The following EDIL3 variants were observed in gnomAD, a reference collection of about 807,000 sequenced individuals.
The protein encoded by EDIL3 is EGF like and discoidin domains 3, also known as EGF-like repeat and discoidin I-like domain-containing protein 3.
EDIL3 carries 37 observed loss-of-function variants against 67.4 expected under a neutral mutation model. The ratio of observed to expected loss-of-function variants is 0.55; its 90% CI spans 0.42 to 0.72. The LOEUF (loss-of-function observed/expected upper bound fraction) is 0.72. EDIL3 is among the 30% of genes least tolerant of loss of function. EDIL3 has a pLI of 0.00. For missense variants in EDIL3, 527 were observed against 586.3 expected (o/e 0.90, Z 1.04); for synonymous variants, 195 against 196.3 (o/e 0.99, Z 0.05).
At position 84,153,365 on chromosome 5, in the gene EDIL3, C is replaced by T. The variant is rs542658822; in HGVS notation, c.356-16011G>A. Among the ~76,000 whole-genome samples, 269 of 152,162 alleles carry T rather than the reference C, an allele frequency of 1.8e-3. 1 individual carries two copies. The highest frequency in any genetic ancestry group is 3.4e-3 in the Middle Eastern group (1 of 294). ...AGGCTGGAGTGCAGTGGCACGACCT[C>T]GGCTCATTGCAACCTCCGCCTCCCA... On this transcript the variant is annotated intron_variant, in intron 4 of 10. Transcript: ENST00000296591.
chr5:84,353,370 G>A (rs928325849), intron 1 of EDIL3, among the ~76,000 whole-genome samples: 7 of 152,094 alleles, frequency 4.6e-5, no homozygotes, highest in South Asian at 2.1e-4. Context: ...GTGTGACATC[G>A]AATCCGTAAC....
chr5:84,048,463 G>C (rs933303425), intron 9 of EDIL3, among the ~76,000 whole-genome samples: 1 of 151,850 alleles, frequency 6.6e-6, no homozygotes, highest in Admixed American at 6.6e-5. Flanking sequence ...AAAATCTGTA[G>C]GGTCAGACGC....
At chr5:84,271,950 TTTC>T (rs1233452868) in intron 1 of EDIL3, among the ~76,000 whole-genome samples, 1 of 152,166 alleles carries the variant, frequency 6.6e-6, no homozygotes, top group African/African-American at 2.4e-5. Flanking sequence ...TCTCGGAGCT[TTTC>T]TTCTTCTTAG....
At chr5:84,286,082 C>G (rs912006191) in intron 1 of EDIL3, among the ~76,000 whole-genome samples, 1 of 152,128 alleles carries the variant, frequency 6.6e-6, no homozygotes, top group Non-Finnish European at 1.5e-5. Flanking sequence ...TTTGCTTTAG[C>G]TCTAGGCTTA....
chr5:84,347,048 A>G (rs1178224934), intron 1 of EDIL3, among the ~76,000 whole-genome samples: 1 of 152,178 alleles, frequency 6.6e-6, no homozygotes, highest in East Asian at 1.9e-4. Context: ...AATTACCATA[A>G]TATCTTAAGC....
chr5:84,285,631 A>G (rs2112112317), intron 1 of EDIL3, among the ~76,000 whole-genome samples: 1 of 152,350 alleles, frequency 6.6e-6, no homozygotes, highest in South Asian at 2.1e-4. Context: ...GAAAACCATA[A>G]TAAAAAGATT....
intron 1 of EDIL3, among the ~76,000 whole-genome samples, chr5:84,364,314 T>C (rs142358486): frequency 3.4e-4 from 52 of 152,294 alleles, no homozygotes; most frequent in African/African-American, 1.2e-3. Context: ...AATTCAGAAT[T>C]TGCCCAGTCA....
At chr5:83,980,865 T>C (rs1744958567) in intron 9 of EDIL3, among the ~76,000 whole-genome samples, 1 of 151,148 alleles carries the variant, frequency 6.6e-6, no homozygotes. Context: ...GATCTAAAAA[T>C]GAAATTAAGA....
chr5:84,273,474 GATA>G (rs1296508829), intron 1 of EDIL3, among the ~76,000 whole-genome samples: 1 of 152,124 alleles, frequency 6.6e-6, no homozygotes, highest in African/African-American at 2.4e-5. Context: ...AAAAAGTGAG[GATA>G]ATAACAGCGT....
chr5:84,093,472 A>G (rs946105544), intron 6 of EDIL3, among the ~76,000 whole-genome samples: 1 of 152,078 alleles, frequency 6.6e-6, no homozygotes, highest in Non-Finnish European at 1.5e-5. Context: ...CTTCACAGAG[A>G]AGGGAATGAT....
intron 10 of EDIL3, among the ~76,000 whole-genome samples, chr5:83,947,367 GTC>G (rs72514584): frequency 0.23 from 24,072 of 105,532 alleles, 2,045 homozygotes; most frequent in Middle Eastern, 0.29. Flanking sequence ...CTGTGTCTGT[GTC>G]TGTGTGTGTG....
intron 4 of EDIL3, among the ~76,000 whole-genome samples, chr5:84,160,347 C>G (rs566145114): frequency 3.3e-5 from 5 of 152,162 alleles, no homozygotes; most frequent in Admixed American, 2.0e-4. Context: ...TAAGTAGTGT[C>G]TAGGAAGATG....
intron 4 of EDIL3, among the ~76,000 whole-genome samples, chr5:84,141,926 C>CATATATATATATAT (rs145638622): frequency 8.0e-6 from 1 of 124,928 alleles, no homozygotes; most frequent in African/African-American, 3.4e-5. Context: ...TATATATACA[C>CATATATATATATAT]ATATATATAT....
intron 9 of EDIL3, among the ~76,000 whole-genome samples, chr5:83,966,910 T>C (rs543792215): frequency 6.6e-6 from 1 of 152,206 alleles, no homozygotes; most frequent in South Asian, 2.1e-4. Flanking sequence ...TTCTGGATCA[T>C]AAAATATTTC....
intron 6 of EDIL3, among the ~76,000 whole-genome samples, chr5:84,070,011 G>T (rs150300476): frequency 6.6e-6 from 1 of 152,074 alleles, no homozygotes; most frequent in Non-Finnish European, 1.5e-5. Flanking sequence ...TCGACCCATG[G>T]AATGATGTGG....
At position 84,103,617 on chromosome 5, in the gene EDIL3, A is replaced by C. The variant is rs961051808; in HGVS notation, c.651+3032T>G. ...TGCAGCCAACAATCATAGGAAAAAA[A>C]CCCTCAAAATCAGTTATCATTAGAG... is the stretch of plus-strand genomic sequence containing the variant. On this transcript the variant is annotated intron_variant, in intron 6 of 10. Coordinates refer to ENST00000296591, the MANE Select transcript of EDIL3 (RefSeq NM_005711.5). Among the ~76,000 whole-genome samples the C allele has an allele frequency of 2.6e-4, 40 of 152,168 alleles. 1 individual carries two copies. The highest frequency in any genetic ancestry group is 3.9e-4 in the East Asian group (2 of 5,178).
At chr5:84,349,330 TC>T (rs1443772330) in intron 1 of EDIL3, among the ~76,000 whole-genome samples, 4 of 152,270 alleles carry the variant, frequency 2.6e-5, no homozygotes, top group Admixed American at 2.6e-4. Flanking sequence ...AGCTTGTTTC[TC>T]CTTCCAAGAG....
At chr5:84,202,068 C>A (rs1010176213) in intron 3 of EDIL3, among the ~76,000 whole-genome samples, 55 of 152,298 alleles carry the variant, frequency 3.6e-4, no homozygotes, top group African/African-American at 1.3e-3. Context: ...CTTAAATACA[C>A]ATGGTAGGAC....
At chr5:84,344,420 T>C (rs1339203679) in intron 1 of EDIL3, among the ~76,000 whole-genome samples, 1 of 152,076 alleles carries the variant, frequency 6.6e-6, no homozygotes, top group African/African-American at 2.4e-5. Context: ...TAAAATTGTA[T>C]TTTTAAACTT....
Sources: allele counts gnomAD v4.1 joint callset (sites outside exome capture counted in the v4.1 genomes callset), GRCh38; gene constraint gnomAD v4.1.1; transcripts MANE v1.5; gene names NCBI Gene and HGNC (gene_info 2026-07-23, HGNC 2026-07-21).